PLEKHA6: variants seen among roughly 807,000 people sequenced by gnomAD.
PLEKHA6 encodes pleckstrin homology domain containing A6.
In PLEKHA6, 60 loss-of-function variants were observed where a neutral mutation model predicts 116.7. The observed-to-expected ratio is 0.51, with a 90% confidence interval of 0.42 to 0.64. The LOEUF (loss-of-function observed/expected upper bound fraction) is 0.64. Ranked by LOEUF, PLEKHA6 falls within the 30% of genes least tolerant of loss-of-function variation. PLEKHA6 has a pLI of 0.00. For missense variants in PLEKHA6, 1,338 were observed against 1,422.7 expected (o/e 0.94, Z 0.96); for synonymous variants, 489 against 556.1 (o/e 0.88, Z 1.70).
chr1:204,313,929 C>G (rs1304813615), intron 1 of PLEKHA6, among the ~76,000 whole-genome samples: 2 of 152,178 alleles, frequency 1.3e-5, no homozygotes, highest in African/African-American at 4.8e-5. Flanking sequence ...CGATTCTGCC[C>G]TCCTACTTAT....
At chr1:204,285,843 G>A (rs1669110584) in intron 1 of PLEKHA6, among the ~76,000 whole-genome samples, 1 of 152,210 alleles carries the variant, frequency 6.6e-6, no homozygotes, top group African/African-American at 2.4e-5. Context: ...AAGAGTTGGG[G>A]AGGAGGCTGG....
intron 1 of PLEKHA6, chr1:204,326,974 C>A (rs1221420448): frequency 1.0e-6 from 1 of 985,280 alleles, no homozygotes. Flanking sequence ...GGCAGAAGCG[C>A]GCTGGGTACG....
chr1:204,313,495 C>A, intron 1 of PLEKHA6: 1 of 894,876 alleles, frequency 1.1e-6, no homozygotes, highest in Non-Finnish European at 1.3e-6. Context: ...GAGCACAAAC[C>A]ACAGCCAGGA....
In PLEKHA6 at chr1:204,244,901, C is replaced by T; in HGVS notation, c.2135G>A (p.Gly712Asp). The T allele has an allele frequency of 6.4e-7, 1 of 1,557,040 alleles. No homozygotes were observed. The highest frequency in any genetic ancestry group is 8.7e-7 in the Non-Finnish European group (1 of 1,149,972). ...SPLSPFSLVSGSQGSPTKPGS... is the reference protein window; with the variant it reads ...SPLSPFSLVSDSQGSPTKPGS... ...AGGCTTGGTGGGGGACCCCTGAGAGCCCGACACCAGTGAAAAGGGGCTCAG... is the reference window on the plus strand; with the variant it reads ...AGGCTTGGTGGGGGACCCCTGAGAGTCCGACACCAGTGAAAAGGGGCTCAG... Residue 712 changes from glycine (G) to aspartate (D), a missense_variant, in exon 15 of 23, where the codon GGC (glycine) becomes GAC (aspartate). By Grantham distance (94) the Gly-to-Asp change is moderately conservative. This residue lies in a region of PLEKHA6 where 1,136 missense variants were observed against 1,163.6 expected (regional missense o/e 0.98). Transcript: ENST00000272203.
At chr1:204,276,411 A>G (rs948245097) in intron 1 of PLEKHA6, among the ~76,000 whole-genome samples, 5 of 152,172 alleles carry the variant, frequency 3.3e-5, no homozygotes, top group Admixed American at 2.6e-4. Flanking sequence ...CTTTGCAAGG[A>G]AGGGCAACTG....
At chr1:204,298,146 A>G (rs755481582) in intron 1 of PLEKHA6, among the ~76,000 whole-genome samples, 3 of 152,252 alleles carry the variant, frequency 2.0e-5, no homozygotes, top group African/African-American at 4.8e-5. Context: ...AAATGCTTCC[A>G]AATCCCATAG....
At position 204,228,062 on chromosome 1, in the gene PLEKHA6, G is replaced by A; in HGVS notation, c.3031+21C>T. The A allele has an allele frequency of 6.2e-7, 1 of 1,608,268 alleles. No homozygotes were observed. Among genetic ancestry groups the A allele is most frequent in the Non-Finnish European group, 8.5e-7 (1 of 1,177,562 alleles). ...CAGCTGGTTTCCCTGGCAGGGTGGA[G>A]CGAGGCCCAGCCCCTCTCACCAGAC... On this transcript the variant is annotated intron_variant, in intron 21 of 22. Transcript: ENST00000272203. The surrounding 1 kb of genome is among the most constrained non-coding windows in gnomAD (Gnocchi z 4.0).
upstream of PLEKHA6, among the ~76,000 whole-genome samples, chr1:204,362,991 G>A (rs547244739): frequency 5.4e-4 from 82 of 152,274 alleles, 1 homozygote; most frequent in African/African-American, 7.0e-4. Flanking sequence ...TTTTCTCCTC[G>A]GCCGCCTCCT....
Position 204,223,533 on chromosome 1 carries a change from T to G in PLEKHA6, c.3084A>C (p.Pro1028=), listed in dbSNP as rs749442196. The G allele has an allele frequency of 6.5e-7, 1 of 1,533,792 alleles. No individual in the cohort carries two copies. The highest frequency in any genetic ancestry group is 2.0e-5 in the Admixed American group (1 of 49,744). The part of the protein sequence containing the change: ...PPTSPASPAP[P]ANPLSSESPR... Reference sequence around the variant, plus strand: ...GGGATTCAGACGACAGGGGGTTTGCTGGAGGAGCCGGGGAAGCAGGGGAGG... The same window carrying G: ...GGGATTCAGACGACAGGGGGTTTGCGGGAGGAGCCGGGGAAGCAGGGGAGG... Residue 1028 remains proline (P), a synonymous_variant, in exon 22 of 23, where the codon CCA becomes CCC. Transcript: ENST00000272203. The surrounding 1 kb of genome is among the most constrained non-coding windows in gnomAD (Gnocchi z 4.8).
chr1:204,292,595 C>G (rs564695383), intron 1 of PLEKHA6, among the ~76,000 whole-genome samples: 1 of 152,052 alleles, frequency 6.6e-6, no homozygotes, highest in East Asian at 1.9e-4. Flanking sequence ...TGATGCCCCC[C>G]ATTTCCCTCA....
chr1:204,275,606 C>T (rs1667918210), intron 1 of PLEKHA6: 1 of 642,622 alleles, frequency 1.6e-6, no homozygotes, highest in Non-Finnish European at 1.9e-6. Flanking sequence ...GGAAGACCTG[C>T]TGTGGCTCCT....
Position 204,257,970 on chromosome 1 carries a change from G to C in PLEKHA6, c.1008-101C>G. 9.8e-7 allele frequency: 1 copy of C among 1,023,664 alleles called. No homozygotes were observed. The allele number at this position is 1,023,664 out of a possible 1,614,324, so 63.4% of individuals were successfully genotyped here. ...TCCCCCAGCCTAGAGCAGGGTGCTT[G>C]AATAGGTACACAGGGGCTGAGGTTT... On this transcript the variant is annotated intron_variant, in intron 8 of 22. Coordinates refer to ENST00000272203, the MANE Select transcript of PLEKHA6 (RefSeq NM_014935.5). The surrounding 1 kb of genome is among the most constrained non-coding windows in gnomAD (Gnocchi z 6.5).
At chr1:204,342,332 C>T (rs1458539736) in intron 1 of PLEKHA6, among the ~76,000 whole-genome samples, 2 of 152,120 alleles carry the variant, frequency 1.3e-5, no homozygotes, top group Non-Finnish European at 2.9e-5. Flanking sequence ...CAAAAACAAA[C>T]AAACAAACAA....
intron 1 of PLEKHA6, among the ~76,000 whole-genome samples, chr1:204,292,186 T>G (rs139063517): frequency 0.017 from 2,551 of 152,342 alleles, 66 homozygotes; most frequent in African/African-American, 0.057. Context: ...ATTTGTTCTA[T>G]GACAGAAGGG....
At chr1:204,274,047 C>G (rs913905389) in intron 2 of PLEKHA6, among the ~76,000 whole-genome samples, 76 of 152,290 alleles carry the variant, frequency 5.0e-4, no homozygotes, top group African/African-American at 1.8e-3. Context: ...GATCTTCCCA[C>G]CTCAGCTTCC....
intron 1 of PLEKHA6, among the ~76,000 whole-genome samples, chr1:204,328,091 T>G (rs1672311610): frequency 6.8e-6 from 1 of 147,390 alleles, no homozygotes; most frequent in Admixed American, 6.8e-5. Flanking sequence ...TATTTATTTA[T>G]TTATTTTTGA....
intron 1 of PLEKHA6, among the ~76,000 whole-genome samples, chr1:204,288,597 ATCCCTAGCCCTG>A (rs986970548): frequency 6.6e-6 from 1 of 152,184 alleles, no homozygotes; most frequent in Admixed American, 6.5e-5. Context: ...TAGTCACAGC[ATCCCTAGCCCTG>A]GGATGGGAAG....
At chr1:204,366,966 G>A (rs567081931) in intron 3 of PLEKHA6, among the ~76,000 whole-genome samples, 1 of 152,328 alleles carries the variant, frequency 6.6e-6, no homozygotes, top group Non-Finnish European at 1.5e-5. Context: ...TCCCTCTGGT[G>A]GTGCCATTGC....
At position 204,259,334 on chromosome 1, in the gene PLEKHA6, G is replaced by T. The variant is rs371398652; in HGVS notation, c.931C>A (p.Arg311Ser). The T allele has an allele frequency of 1.8e-5, 29 of 1,614,228 alleles. No homozygotes were observed. In the South Asian group the frequency reaches 3.1e-4, roughly 17 times the overall value. The change falls in exon 8 of 23, where the codon CGC becomes AGC. Residue 311 changes from arginine (R) to serine (S), a missense_variant. By Grantham distance (110) the Arg-to-Ser change is moderately radical. This residue lies in a region of PLEKHA6 where 1,136 missense variants were observed against 1,163.6 expected (regional missense o/e 0.98). Transcript: ENST00000272203. This position sits in a 1 kb window ranked among gnomAD's most constrained non-coding sequence, Gnocchi z 4.6. ...PRTNPDKIAQ[R>S]KSSMNQLQQW... ...TGAAGCTGGTTCATGGAGCTCTTGC[G>T]CTGGGCAATTTTGTCAGGGTTGGTG...
Sources: allele counts gnomAD v4.1 joint callset (sites outside exome capture counted in the v4.1 genomes callset), GRCh38; gene constraint gnomAD v4.1.1; regional missense constraint gnomAD v4.1.1; non-coding constraint Gnocchi (gnomAD v3.1); transcripts MANE v1.5; gene names NCBI Gene and HGNC (gene_info 2026-07-23, HGNC 2026-07-21).